MMP16: variants seen among roughly 807,000 people sequenced by gnomAD.
MMP16 encodes matrix metallopeptidase 16.
In MMP16, 12 loss-of-function variants were observed where a neutral mutation model predicts 67.8. The ratio of observed to expected loss-of-function variants is 0.18; its 90% CI spans 0.11 to 0.29. The LOEUF (loss-of-function observed/expected upper bound fraction) is 0.29. MMP16 is among the 10% of genes least tolerant of loss of function. MMP16 has a pLI of 1.00. For synonymous variants in MMP16, 249 were observed against 255.9 expected (o/e 0.97, Z 0.26); for missense variants, 475 against 765.7 (o/e 0.62, Z 4.48).
rs374916142 is a variant in MMP16 at position 88,279,326 on chromosome 8, TA to T, written c.132+47748del. Among the ~76,000 whole-genome samples the T allele has an allele frequency of 1.4e-3, 207 of 152,270 alleles. 2 individuals carry two copies. Among genetic ancestry groups the T allele is most frequent in the African/African-American group, 4.2e-3 (174 of 41,566 alleles). ...AATATATCCGCCATATTGCATTAAA[TA>T]AAACATTATTGATAATAATATGTTC... is the stretch of plus-strand genomic sequence containing the variant. On this transcript the variant is annotated intron_variant, in intron 1 of 9. Transcript: ENST00000286614.
intron 7 of MMP16, among the ~76,000 whole-genome samples, chr8:88,072,920 G>A (rs950634056): frequency 6.6e-6 from 1 of 152,132 alleles, no homozygotes; most frequent in Non-Finnish European, 1.5e-5. Flanking sequence ...AGATGAAAAG[G>A]AGCTAGCCAT....
intron 7 of MMP16, among the ~76,000 whole-genome samples, chr8:88,061,322 G>A (rs2118240015): frequency 6.6e-6 from 1 of 151,848 alleles, no homozygotes; most frequent in East Asian, 1.9e-4. Flanking sequence ...GAGAAAGAAA[G>A]GCCTCTTCTG....
chr8:88,099,695 T>G (rs960001989), intron 6 of MMP16, among the ~76,000 whole-genome samples: 2 of 151,804 alleles, frequency 1.3e-5, no homozygotes, highest in African/African-American at 2.4e-5. Context: ...TTTCTCTTAT[T>G]TAAAAAAACA....
rs539017212 is a variant in MMP16, at chr8:88,243,681, G to A, written c.133-46375C>T. ...CTGCTGATGTAGGTAATTTTTTTAC[G>A]TTAATCGTTGGAAGAAGGCCCAAAT... On this transcript the variant is annotated intron_variant, in intron 1 of 9. Transcript: ENST00000286614. 3.3e-5 allele frequency among the ~76,000 whole-genome samples: 5 copies of A among 152,210 alleles called. No homozygotes were observed. In the South Asian group the frequency reaches 6.2e-4, roughly 19 times the overall value.
intron 3 of MMP16, among the ~76,000 whole-genome samples, chr8:88,183,960 G>C (rs1178911647): frequency 6.6e-6 from 1 of 151,668 alleles, no homozygotes; most frequent in African/African-American, 2.4e-5. Context: ...TGGCCAGGCT[G>C]GTCTCAAACT....
intron 3 of MMP16, among the ~76,000 whole-genome samples, chr8:88,184,563 G>GAAAAA (rs59310737): frequency 0.035 from 377 of 10,894 alleles, 88 homozygotes; most frequent in East Asian, 0.18. Context: ...CTCTCTCTCT[G>GAAAAA]AAAAAAAAAA....
intron 4 of MMP16, among the ~76,000 whole-genome samples, chr8:88,131,098 T>C (rs1024567497): frequency 9.9e-5 from 15 of 151,724 alleles, no homozygotes; most frequent in Admixed American, 7.9e-4. Context: ...AGACTCTTCA[T>C]ACAAAAATCT....
At chr8:88,084,111 T>C (rs1200008654) in intron 6 of MMP16, among the ~76,000 whole-genome samples, 1 of 152,024 alleles carries the variant, frequency 6.6e-6, no homozygotes. Flanking sequence ...CTTGTGTGTA[T>C]ATATGCTAAT....
chr8:88,320,076 A>C (rs1445531901), intron 1 of MMP16, among the ~76,000 whole-genome samples: 4 of 152,210 alleles, frequency 2.6e-5, no homozygotes, highest in Non-Finnish European at 4.4e-5. Context: ...ACCAGAGGTC[A>C]AATAATAATC....
rs28988870 is a variant in MMP16 at position 88,043,580 on chromosome 8, A to G, written c.1490-1785T>C. Among the ~76,000 whole-genome samples the G allele has an allele frequency of 3.0e-3, 464 of 152,310 alleles. 1 individual carries two copies. Among genetic ancestry groups the G allele is most frequent in the African/African-American group, 0.011 (445 of 41,580 alleles). On this transcript the variant is annotated intron_variant, in intron 9 of 9. Coordinates refer to ENST00000286614, the MANE Select transcript of MMP16 (RefSeq NM_005941.5). ...ACATCCAAGGGTGTGATAGATAGGT[A>G]TCATTTTTGAATGAAGAACTCTGAC... is the stretch of plus-strand genomic sequence containing the variant.
chr8:88,055,940 A>G (rs1808327012), intron 8 of MMP16, among the ~76,000 whole-genome samples, 188 bp downstream of exon 8: 1 of 152,244 alleles, frequency 6.6e-6, no homozygotes, highest in African/African-American at 2.4e-5. Context: ...AAGTCACATT[A>G]GCTGAATATA....
chr8:88,264,340 C>G (rs1367019125), intron 1 of MMP16, among the ~76,000 whole-genome samples: 1 of 152,060 alleles, frequency 6.6e-6, no homozygotes, highest in East Asian at 1.9e-4. Context: ...CCTGGGACTG[C>G]AGGCATGCAT....
At position 88,037,105 on chromosome 8, in the gene MMP16, G is replaced by C. The variant is rs1258465790; in HGVS notation, c.*4356C>G. Reference sequence around the variant, plus strand: ...ACTGTAAGATCCACAAAGTGTGGGCGTGTATGTGTACCATACTAGATATAT... The same window carrying C: ...ACTGTAAGATCCACAAAGTGTGGGCCTGTATGTGTACCATACTAGATATAT... On this transcript the variant is annotated 3_prime_UTR_variant, in exon 10 of 10. Coordinates refer to ENST00000286614, the MANE Select transcript of MMP16 (RefSeq NM_005941.5). 1 of 149,420 alleles carries C rather than the reference G, an allele frequency of 6.7e-6. No homozygotes were observed. The highest frequency in any genetic ancestry group is 6.8e-5 in the Admixed American group (1 of 14,764). 9.3% of individuals were successfully genotyped at this position (149,420 alleles called of 1,614,324 possible).
chr8:88,294,306 ATATG>A (rs931496027), intron 1 of MMP16, among the ~76,000 whole-genome samples: 2 of 151,016 alleles, frequency 1.3e-5, no homozygotes, highest in Non-Finnish European at 3.0e-5. Flanking sequence ...ATATATGTAT[ATATG>A]TATATGTCTA....
chr8:88,124,681 C>T (rs1807896578), intron 4 of MMP16, among the ~76,000 whole-genome samples: 1 of 151,906 alleles, frequency 6.6e-6, no homozygotes, highest in South Asian at 2.1e-4. Flanking sequence ...TAATAATAAA[C>T]TTAATATTTT....
chr8:88,263,295 A>T (rs1810419656), intron 1 of MMP16, among the ~76,000 whole-genome samples: 1 of 152,170 alleles, frequency 6.6e-6, no homozygotes, highest in Admixed American at 6.5e-5. Flanking sequence ...AGCTATACTG[A>T]TCCACTTTTC....
intron 4 of MMP16, among the ~76,000 whole-genome samples, chr8:88,123,871 A>G (rs1347016035): frequency 6.6e-6 from 1 of 151,810 alleles, no homozygotes; most frequent in Non-Finnish European, 1.5e-5. Context: ...CCAGTATCTC[A>G]AAGTGCTCTC....
At chr8:88,119,539 C>A (rs1807784376) in intron 4 of MMP16, among the ~76,000 whole-genome samples, 1 of 152,014 alleles carries the variant, frequency 6.6e-6, no homozygotes, top group South Asian at 2.1e-4. Flanking sequence ...TTAAGAGCTG[C>A]TGTTTATCAC....
chr8:88,196,786 A>G (rs748598359), intron 2 of MMP16, among the ~76,000 whole-genome samples: 1 of 152,110 alleles, frequency 6.6e-6, no homozygotes, highest in Non-Finnish European at 1.5e-5. Context: ...AGCTCCTAAT[A>G]TGATACCAAT....
Sources: gnomAD v4.1 joint callset for allele counts (sites outside exome capture counted in the v4.1 genomes callset) on GRCh38, gnomAD v4.1.1 for gene constraint, MANE v1.5 for transcripts, NCBI Gene and HGNC (gene_info 2026-07-23, HGNC 2026-07-21) for gene names.